The following MAP3K5 variants were observed in gnomAD, a reference collection of about 807,000 sequenced individuals.
MAP3K5 encodes the protein ASK-1.
MAP3K5 carries 56 observed loss-of-function variants against 158.7 expected under a neutral mutation model. The ratio of observed to expected loss-of-function variants is 0.35; its 90% CI spans 0.28 to 0.44. The LOEUF (loss-of-function observed/expected upper bound fraction) is 0.44. Ranked by LOEUF, MAP3K5 falls within the 20% of genes least tolerant of loss-of-function variation. The probability of loss-of-function intolerance (pLI) is 1.00; values close to 1 mark genes in which losing one functional copy is unlikely to be tolerated. For missense variants in MAP3K5, 1,294 were observed against 1,674.8 expected, an observed-to-expected ratio of 0.77 and a Z score of 3.97; for synonymous variants, 579 against 601.7, an observed-to-expected ratio of 0.96 and a Z score of 0.55.
At chr6:136,642,036 AAAAT>A (rs1328248656) in intron 12 of MAP3K5, among the ~76,000 whole-genome samples, 5,023 of 115,518 alleles carry the variant, frequency 0.043, 181 homozygotes, top group East Asian at 0.16. Flanking sequence ...AAATAAAAAT[AAAAT>A]AAAATAAAAT....
At chr6:136,607,507 C>T (rs147874615) in intron 18 of MAP3K5, among the ~76,000 whole-genome samples, 9 of 152,256 alleles carry the variant, frequency 5.9e-5, no homozygotes, top group East Asian at 5.8e-4. Context: ...AAGCAATTTA[C>T]GAAGCTGGAT....
intron 7 of MAP3K5, among the ~76,000 whole-genome samples, chr6:136,693,325 GT>G (rs1166648851): frequency 6.6e-6 from 1 of 152,154 alleles, no homozygotes; most frequent in African/African-American, 2.4e-5. Flanking sequence ...TTTATAATGA[GT>G]CTTGTTAACT....
chr6:136,726,990 T>G (rs1042475167), intron 1 of MAP3K5, among the ~76,000 whole-genome samples: 3 of 152,212 alleles, frequency 2.0e-5, no homozygotes, highest in African/African-American at 7.2e-5. Context: ...TTTGCCTTGT[T>G]ATACTCGCTA....
At position 136,791,744 on chromosome 6, in the gene MAP3K5, T is replaced by C. The variant is rs766512715; in HGVS notation, c.414A>G (p.Gly138=). 6.2e-7 allele frequency: 1 copy of C among 1,613,360 alleles called. No homozygotes were observed. Among genetic ancestry groups the C allele is most frequent in the Non-Finnish European group, 8.5e-7 (1 of 1,180,020 alleles). ...AAAAGCGGTCCAGCACGGTGGTTTC[T>C]CCAAAGTCGAGTTTCCCAAAATGCA... ...ETLHFGKLDF[G]ETTVLDRFYN... The change falls in exon 1 of 30, where the codon GGA becomes GGG. Residue 138 remains glycine (G), a synonymous_variant. Transcript: ENST00000359015.
At chr6:136,564,766 C>T (rs1162441423) in intron 26 of MAP3K5, among the ~76,000 whole-genome samples, 1 of 152,168 alleles carries the variant, frequency 6.6e-6, no homozygotes. Flanking sequence ...CGTGGACAAA[C>T]TATAACTTAA....
At chr6:136,654,086 C>T (rs1778638455) in intron 10 of MAP3K5, among the ~76,000 whole-genome samples, 1 of 152,204 alleles carries the variant, frequency 6.6e-6, no homozygotes. Context: ...AAGATAACAC[C>T]TATGTGCCTA....
intron 15 of MAP3K5, among the ~76,000 whole-genome samples, chr6:136,619,916 T>C (rs976979214): frequency 4.6e-5 from 7 of 152,146 alleles, no homozygotes; most frequent in East Asian, 1.9e-4. Context: ...GCTGGATACA[T>C]GGGGAGACAG....
intron 25 of MAP3K5, among the ~76,000 whole-genome samples, chr6:136,578,365 AT>A (rs1204990486): frequency 6.6e-6 from 1 of 152,174 alleles, no homozygotes; most frequent in Non-Finnish European, 1.5e-5. Context: ...TTTCAACCAA[AT>A]ATGAATCAGG....
intron 23 of MAP3K5, among the ~76,000 whole-genome samples, chr6:136,585,115 T>G (rs1562524407): frequency 1.4e-5 from 2 of 139,256 alleles, no homozygotes; most frequent in African/African-American, 2.5e-5. Flanking sequence ...GTTTTTTTTT[T>G]TTTGTTTTTT....
intron 17 of MAP3K5, among the ~76,000 whole-genome samples, 182 bp from the exon 18 acceptor site, chr6:136,611,569 A>G (rs982467644): frequency 6.6e-6 from 1 of 152,194 alleles, no homozygotes; most frequent in African/African-American, 2.4e-5. Flanking sequence ...TTTTGTTTAC[A>G]TATTATCAGT....
intron 1 of MAP3K5, among the ~76,000 whole-genome samples, chr6:136,762,432 G>A (rs1272917801): frequency 6.6e-6 from 1 of 152,190 alleles, no homozygotes; most frequent in African/African-American, 2.4e-5. Context: ...ATGACCCTCA[G>A]GTGTTCCATG....
intron 1 of MAP3K5, among the ~76,000 whole-genome samples, chr6:136,732,846 T>C (rs913242742): frequency 1.3e-5 from 2 of 152,176 alleles, no homozygotes; most frequent in African/African-American, 2.4e-5. Context: ...AAGGAAAATA[T>C]GAAAAGAGGG....
chr6:136,751,437 A>C (rs987759587), intron 1 of MAP3K5, among the ~76,000 whole-genome samples: 2 of 152,242 alleles, frequency 1.3e-5, no homozygotes, highest in Non-Finnish European at 2.9e-5. Context: ...CAAATCTAGT[A>C]ATGATCTTTA....
intron 8 of MAP3K5, among the ~76,000 whole-genome samples, chr6:136,659,657 C>A (rs1715041722): frequency 6.6e-6 from 1 of 152,152 alleles, no homozygotes; most frequent in South Asian, 2.1e-4. Flanking sequence ...ACAAGAGGTA[C>A]CTGTAACAGT....
intron 1 of MAP3K5, among the ~76,000 whole-genome samples, chr6:136,761,036 T>G (rs1287082980): frequency 6.6e-6 from 1 of 152,104 alleles, no homozygotes; most frequent in Non-Finnish European, 1.5e-5. Context: ...TCTCCTTTTT[T>G]GCCCCATGCG....
rs570283967 is a variant in MAP3K5 at position 136,737,700 on chromosome 6, T to G, written c.449-17111A>C. Among the ~76,000 whole-genome samples the G allele has an allele frequency of 1.1e-4, 17 of 152,238 alleles. No individual in the cohort carries two copies. In the South Asian group the frequency reaches 3.5e-3, roughly 31 times the overall value. On this transcript the variant is annotated intron_variant, in intron 1 of 29. Transcript: ENST00000359015. Reference sequence around the variant, plus strand: ...GTTGATTTTAACACACATGATTGTCTATACTGTGCAAAGTACTGAGAAGGG... The same window carrying G: ...GTTGATTTTAACACACATGATTGTCGATACTGTGCAAAGTACTGAGAAGGG...
chr6:136,583,520 T>C (rs1774979920), intron 24 of MAP3K5, 35 bp downstream of exon 24: 2 of 1,543,314 alleles, frequency 1.3e-6, no homozygotes, highest in Non-Finnish European at 1.8e-6. Context: ...CTAATTTTAG[T>C]GTGTGGGAAA....
chr6:136,769,204 CATGG>C (rs1029425689), intron 1 of MAP3K5, among the ~76,000 whole-genome samples: 12 of 152,198 alleles, frequency 7.9e-5, no homozygotes, highest in African/African-American at 2.2e-4. Flanking sequence ...CCTGCTACAA[CATGG>C]ATGAAGCACG....
chr6:136,701,735 G>A (rs145325279), intron 3 of MAP3K5, among the ~76,000 whole-genome samples: 3 of 152,260 alleles, frequency 2.0e-5, no homozygotes, highest in Middle Eastern at 6.8e-3. Context: ...GACAAGCACC[G>A]TAACTCAAAA....
Sources: allele counts gnomAD v4.1 joint callset (sites outside exome capture counted in the v4.1 genomes callset), GRCh38; gene constraint gnomAD v4.1.1; transcripts MANE v1.5; gene names NCBI Gene and HGNC (gene_info 2026-07-23, HGNC 2026-07-21).